The following ENOX1 variants were observed in gnomAD, a reference collection of about 807,000 sequenced individuals.
ENOX1 encodes the protein ecto-NOX disulfide-thiol exchanger 1, also known as candidate growth-related and time keeping constitutive hydroquinone (NADH) oxidase.
A neutral mutation model predicts 82.5 loss-of-function variants in ENOX1; 42 were observed. That is an observed-to-expected ratio of 0.51 (90% CI 0.40 to 0.66). The LOEUF is 0.66. ENOX1 is among the 30% of genes least tolerant of loss of function. The pLI is 0.00. For synonymous variants in ENOX1, 271 were observed against 282.2 expected, an observed-to-expected ratio of 0.96 and a Z score of 0.40; for missense variants, 608 against 811.6, an observed-to-expected ratio of 0.75 and a Z score of 3.05.
intron 2 of ENOX1, among the ~76,000 whole-genome samples, chr13:43,614,825 T>C (rs2153741459): frequency 6.6e-6 from 1 of 152,252 alleles, no homozygotes; most frequent in African/African-American, 2.4e-5. Flanking sequence ...TCTGGAGCCT[T>C]GCTACATACA....
At chr13:43,365,226 T>A (rs1219853486) in intron 5 of ENOX1, among the ~76,000 whole-genome samples, 10 of 152,208 alleles carry the variant, frequency 6.6e-5, no homozygotes. Flanking sequence ...AGATTTCATT[T>A]GAAAGAAAGG....
chr13:43,458,049 T>C (rs1188572267), intron 3 of ENOX1, among the ~76,000 whole-genome samples: 1 of 152,202 alleles, frequency 6.6e-6, no homozygotes, highest in East Asian at 1.9e-4. Flanking sequence ...TTCTTATAAA[T>C]TTGTCTAGCT....
chr13:43,751,125 CCTT>C (rs1487265846), intron 1 of ENOX1, among the ~76,000 whole-genome samples: 4 of 152,268 alleles, frequency 2.6e-5, no homozygotes, highest in African/African-American at 9.6e-5. Flanking sequence ...CTGTCATGCT[CCTT>C]CTTATCTCTC....
chr13:43,370,688 T>C, intron 5 of ENOX1, among the ~76,000 whole-genome samples: 1 of 152,212 alleles, frequency 6.6e-6, no homozygotes, highest in Non-Finnish European at 1.5e-5. Flanking sequence ...TTTCTTTTAA[T>C]GGCACCACTC....
chr13:43,353,707 C>T (rs1314023823), intron 8 of ENOX1, among the ~76,000 whole-genome samples: 1 of 152,238 alleles, frequency 6.6e-6, no homozygotes, highest in Non-Finnish European at 1.5e-5. Flanking sequence ...TATTACCTGA[C>T]TCTTGCCTAA....
chr13:43,602,569 T>C (rs1176867036), intron 2 of ENOX1, among the ~76,000 whole-genome samples: 2 of 152,104 alleles, frequency 1.3e-5, no homozygotes, highest in Admixed American at 6.5e-5. Context: ...TGTAGGAAAA[T>C]GAACATTCAT....
intron 2 of ENOX1, among the ~76,000 whole-genome samples, chr13:43,647,229 C>T (rs2083935273): frequency 6.6e-6 from 1 of 152,136 alleles, no homozygotes; most frequent in African/African-American, 2.4e-5. Context: ...TTTATTTAAC[C>T]TTTGTGTGCC....
chr13:43,423,219 C>T (rs2055079499), intron 3 of ENOX1, among the ~76,000 whole-genome samples: 1 of 152,142 alleles, frequency 6.6e-6, no homozygotes, highest in African/African-American at 2.4e-5. Context: ...TCATGGATAT[C>T]AATCAACCAC....
chr13:43,576,953 C>T lies in ENOX1; in HGVS notation c.-219+90526G>A, dbSNP rs1040108273. Among the ~76,000 whole-genome samples the T allele has an allele frequency of 1.6e-4, 25 of 152,174 alleles. No individual in the cohort carries two copies. The East Asian group carries it at 1.7e-3, about 11-fold the overall frequency. On this transcript the variant is annotated intron_variant, in intron 2 of 16. Transcript: ENST00000690772. ...AGAAGGTTTTACCCCCTTTATAATT[C>T]GTAATTCAATCACTATTCCAATAAA... is the stretch of plus-strand genomic sequence containing the variant.
At position 43,653,650 on chromosome 13, in the gene ENOX1, A is replaced by G. The variant is rs117063153; in HGVS notation, c.-219+13829T>C. 4.1e-4 allele frequency among the ~76,000 whole-genome samples: 63 copies of G among 152,286 alleles called. 3 individuals carry two copies. The East Asian group carries it at 8.3e-3, about 20-fold the overall frequency. On this transcript the variant is annotated intron_variant, in intron 2 of 16. Coordinates refer to ENST00000690772, the MANE Select transcript of ENOX1 (RefSeq NM_001347969.2). ...CTAACATTAAAATTCTTTCCAGAAA[A>G]TATTAACTCCCCATATCCCCTGTGA... is the stretch of plus-strand genomic sequence containing the variant.
At chr13:43,553,231 A>G (rs1041519874) in intron 2 of ENOX1, among the ~76,000 whole-genome samples, 1 of 152,192 alleles carries the variant, frequency 6.6e-6, no homozygotes, top group African/African-American at 2.4e-5. Context: ...AGCTATTGTC[A>G]TAACACCAAT....
intron 1 of ENOX1, among the ~76,000 whole-genome samples, chr13:43,715,440 G>A (rs1346476620): frequency 6.6e-6 from 1 of 151,996 alleles, no homozygotes; most frequent in Non-Finnish European, 1.5e-5. Context: ...GCTCTTCTCG[G>A]AGTATCTTGG....
chr13:43,619,438 G>A (rs528811279), intron 2 of ENOX1, among the ~76,000 whole-genome samples: 1 of 152,040 alleles, frequency 6.6e-6, no homozygotes, highest in Admixed American at 6.6e-5. Context: ...TGCTGATTTT[G>A]CTGAGAATTC....
At chr13:43,451,964 G>A (rs760224943) in intron 3 of ENOX1, among the ~76,000 whole-genome samples, 17 of 152,116 alleles carry the variant, frequency 1.1e-4, no homozygotes, top group Non-Finnish European at 2.1e-4. Context: ...CAGACAAAAC[G>A]TTTTCAAGTA....
chr13:43,573,935 T>C (rs2153712829), intron 2 of ENOX1, among the ~76,000 whole-genome samples: 1 of 152,282 alleles, frequency 6.6e-6, no homozygotes, highest in East Asian at 1.9e-4. Flanking sequence ...TTTTTCAAGT[T>C]AAAAATTGGA....
Position 43,357,075 on chromosome 13 carries a change from A to G in ENOX1, c.590-923T>C, listed in dbSNP as rs541131875. On this transcript the variant is annotated intron_variant, in intron 7 of 16. Coordinates refer to ENST00000690772, the MANE Select transcript of ENOX1 (RefSeq NM_001347969.2). ...CAGCCGGCCTAACTTCAAATGAAGA[A>G]GAGTTGACTTTGAGGTTGCTCTTCA... is the stretch of plus-strand genomic sequence containing the variant. 3.9e-5 allele frequency among the ~76,000 whole-genome samples: 6 copies of G among 152,320 alleles called. No individual in the cohort carries two copies. In the South Asian group the frequency reaches 1.2e-3, roughly 32 times the overall value.
intron 1 of ENOX1, among the ~76,000 whole-genome samples, chr13:43,713,917 G>C (rs1566816305): frequency 6.6e-6 from 1 of 150,862 alleles, no homozygotes; most frequent in Non-Finnish European, 1.5e-5. Context: ...ATTTCCTCCA[G>C]TTCTGCTCTG....
intron 1 of ENOX1, among the ~76,000 whole-genome samples, chr13:43,712,473 T>C (rs1455461415): frequency 6.6e-6 from 1 of 152,118 alleles, no homozygotes; most frequent in East Asian, 1.9e-4. Flanking sequence ...GGTAGCTTGA[T>C]GGAGATGGCA....
chr13:43,227,323 T>C (rs952834454), intron 15 of ENOX1, among the ~76,000 whole-genome samples: 3 of 152,210 alleles, frequency 2.0e-5, no homozygotes, highest in African/African-American at 4.8e-5. Flanking sequence ...GGAGCTGTGC[T>C]CTTAGTCTTT....
Sources: allele counts gnomAD v4.1 joint callset (sites outside exome capture counted in the v4.1 genomes callset), GRCh38; gene constraint gnomAD v4.1.1; transcripts MANE v1.5; gene names NCBI Gene and HGNC (gene_info 2026-07-23, HGNC 2026-07-21).